FAM135B: variants seen among roughly 807,000 people sequenced by gnomAD.
FAM135B encodes protein FAM135B.
In FAM135B, 43 loss-of-function variants were observed where a neutral mutation model predicts 127.7. The ratio of observed to expected loss-of-function variants is 0.34; its 90% CI spans 0.26 to 0.43. The LOEUF (loss-of-function observed/expected upper bound fraction) is 0.43, where lower values mean the gene tolerates loss of function less well. Ranked by LOEUF, FAM135B falls within the 20% of genes least tolerant of loss-of-function variation. The pLI, the probability that FAM135B is intolerant of heterozygous loss-of-function variation, is 1.00. For synonymous variants in FAM135B, 670 were observed against 665.1 expected (o/e 1.01, Z -0.11); for missense variants, 1,558 against 1,725.6 (o/e 0.90, Z 1.72).
rs554170597 is a variant in FAM135B at position 138,454,561 on chromosome 8, A to G, written c.-20+42110T>C. Among the ~76,000 whole-genome samples the G allele has an allele frequency of 2.6e-5, 4 of 152,346 alleles. No homozygotes were observed. In the South Asian group the frequency reaches 8.3e-4, roughly 32 times the overall value. ...TATTTCTTGATACTGCAGAGCAAGT[A>G]AGTGCAGAACCAGGGCTAGTACTGA... On this transcript the variant is annotated intron_variant, in intron 1 of 19. Transcript: ENST00000395297.
chr8:138,326,311 C>T (rs1341678327), intron 2 of FAM135B, among the ~76,000 whole-genome samples: 1 of 152,024 alleles, frequency 6.6e-6, no homozygotes, highest in Admixed American at 6.6e-5. Flanking sequence ...TTCTAGAGAG[C>T]CAATATGAAA....
chr8:138,178,772 C>T, intron 9 of FAM135B, 82 bp from the exon 10 acceptor site: 2 of 1,297,434 alleles, frequency 1.5e-6, no homozygotes, highest in Non-Finnish European at 2.2e-6. Context: ...TCTTTACTGA[C>T]TTTTCTGTTT....
At chr8:138,142,984 G>C (rs778033402) in intron 16 of FAM135B, 28 bp downstream of exon 16, 2 of 1,206,174 alleles carry the variant, frequency 1.7e-6, no homozygotes, top group South Asian at 1.2e-5. Flanking sequence ...TCTTCCCCCA[G>C]CATTAACTAC....
At chr8:138,251,821 G>C (rs1485125621) in intron 5 of FAM135B, among the ~76,000 whole-genome samples, 2 of 152,136 alleles carry the variant, frequency 1.3e-5, no homozygotes, top group Non-Finnish European at 1.5e-5. Context: ...ATTTGGGCTG[G>C]GCAAATTTCT....
chr8:138,148,397 C>A, intron 14 of FAM135B, 123 bp downstream of exon 14: 1 of 778,900 alleles, frequency 1.3e-6, no homozygotes, highest in Non-Finnish European at 2.0e-6. Flanking sequence ...ATCATAATTA[C>A]TGTCATTCCA....
chr8:138,475,525 A>T (rs896685386), intron 1 of FAM135B, among the ~76,000 whole-genome samples: 1 of 152,150 alleles, frequency 6.6e-6, no homozygotes, highest in Non-Finnish European at 1.5e-5. Flanking sequence ...CCATCTTGTC[A>T]TCCAACCCAA....
chr8:138,384,334 C>T (rs1166550801), intron 1 of FAM135B, among the ~76,000 whole-genome samples: 2 of 150,388 alleles, frequency 1.3e-5, no homozygotes, highest in Non-Finnish European at 2.9e-5. Flanking sequence ...TAACCTAGGC[C>T]CCATAGGCTC....
intron 1 of FAM135B, among the ~76,000 whole-genome samples, chr8:138,457,671 A>T (rs973564720): frequency 6.6e-6 from 1 of 152,168 alleles, no homozygotes; most frequent in Non-Finnish European, 1.5e-5. Flanking sequence ...TCCATTTCAT[A>T]TAAAAAGTAC....
rs1346835855 is a variant in FAM135B, at chr8:138,241,619, A to G, written c.669+1323T>C. 1.3e-5 allele frequency among the ~76,000 whole-genome samples: 2 copies of G among 152,228 alleles called. No individual in the cohort carries two copies. The highest frequency in any genetic ancestry group is 2.9e-5 in the Non-Finnish European group (2 of 68,040). Reference sequence around the variant, plus strand: ...CTAATATTCTGAACAGTCTGTGCACAGAGCCTGACTGTATAGGAGGATAGA... The same window carrying G: ...CTAATATTCTGAACAGTCTGTGCACGGAGCCTGACTGTATAGGAGGATAGA... On this transcript the variant is annotated intron_variant, in intron 7 of 19. Coordinates refer to ENST00000395297, the MANE Select transcript of FAM135B (RefSeq NM_015912.4). The surrounding 1 kb of genome is among the most constrained non-coding windows in gnomAD (Gnocchi z 4.8).
chr8:138,438,835 T>C (rs1835606228), intron 1 of FAM135B: 4 of 152,256 alleles, frequency 2.6e-5, no homozygotes, highest in Non-Finnish European at 5.9e-5. Flanking sequence ...TAAAACCAGG[T>C]TTCCTGGGGA....
chr8:138,280,588 T>C (rs1824189476), intron 3 of FAM135B, among the ~76,000 whole-genome samples: 1 of 152,206 alleles, frequency 6.6e-6, no homozygotes, highest in African/African-American at 2.4e-5. Flanking sequence ...TATGAGTTCC[T>C]TAGAGTTCAG....
chr8:138,492,456 T>C (rs988849674), intron 1 of FAM135B, among the ~76,000 whole-genome samples: 6 of 152,120 alleles, frequency 3.9e-5, no homozygotes, highest in Non-Finnish European at 8.8e-5. Flanking sequence ...CATAAAATCT[T>C]TGTTGGATCT....
chr8:138,337,265 A>G (rs1016463388), intron 2 of FAM135B, among the ~76,000 whole-genome samples: 18 of 151,384 alleles, frequency 1.2e-4, no homozygotes, highest in South Asian at 4.2e-4. Flanking sequence ...CAGGGCAATT[A>G]GGCAGGAGAA....
chr8:138,386,924 G>C (rs16909070), intron 1 of FAM135B, among the ~76,000 whole-genome samples: 6,009 of 152,114 alleles, frequency 0.04, 385 homozygotes, highest in African/African-American at 0.14. Flanking sequence ...ACACTACAAT[G>C]AGTGCTATAT....
intron 1 of FAM135B, among the ~76,000 whole-genome samples, chr8:138,369,140 C>A (rs980065886): frequency 4.6e-5 from 7 of 152,082 alleles, no homozygotes; most frequent in African/African-American, 1.4e-4. Context: ...TGAGTAGACT[C>A]CCGATAGGAT....
Position 138,132,745 on chromosome 8 carries a change from T to C in FAM135B, c.4069A>G (p.Lys1357Glu). 3 of 1,614,204 alleles carry C rather than the reference T, an allele frequency of 1.9e-6. No homozygotes were observed. Among genetic ancestry groups the C allele is most frequent in the Non-Finnish European group, 2.5e-6 (3 of 1,180,042 alleles). Residue 1357 changes from lysine (K) to glutamate (E), a missense_variant, in exon 20 of 20, where the codon AAG becomes GAG. Lys to Glu is a moderately conservative substitution (Grantham distance 56). Coordinates refer to ENST00000395297, the MANE Select transcript of FAM135B (RefSeq NM_015912.4). The surrounding 1 kb of genome is among the most constrained non-coding windows in gnomAD (Gnocchi z 4.5). ...TTGTGTCGGATTAAAGTGCAGTCCTTGGCTTCAACCAGAGGGCCCAGGAGG... is the reference window on the plus strand; with the variant it reads ...TTGTGTCGGATTAAAGTGCAGTCCTCGGCTTCAACCAGAGGGCCCAGGAGG... ...NNLLGPLVEA[K>E]DCTLIRHNVF...
chr8:138,349,312 C>G (rs1563924350), intron 2 of FAM135B, among the ~76,000 whole-genome samples: 1 of 152,178 alleles, frequency 6.6e-6, no homozygotes, highest in Non-Finnish European at 1.5e-5. Flanking sequence ...AGAATGTAGA[C>G]TTGGAAGTGA....
At chr8:138,355,334 G>A (rs1440680791) in intron 2 of FAM135B, among the ~76,000 whole-genome samples, 4 of 152,114 alleles carry the variant, frequency 2.6e-5, no homozygotes, top group African/African-American at 7.2e-5. Flanking sequence ...GTCCAACAAT[G>A]ATAGACTGGA....
intron 3 of FAM135B, among the ~76,000 whole-genome samples, chr8:138,266,713 G>T (rs139428458): frequency 6.6e-6 from 1 of 150,440 alleles, no homozygotes; most frequent in Non-Finnish European, 1.5e-5. Flanking sequence ...ACAAATGGAC[G>T]AACTCCTCCA....
Sources: allele counts gnomAD v4.1 joint callset (sites outside exome capture counted in the v4.1 genomes callset), GRCh38; gene constraint gnomAD v4.1.1; non-coding constraint Gnocchi (gnomAD v3.1); transcripts MANE v1.5; gene names NCBI Gene and HGNC (gene_info 2026-07-23, HGNC 2026-07-21).